Variants in PTPRG observed in about 807,000 individuals in gnomAD.
The protein encoded by PTPRG is receptor-type tyrosine-protein phosphatase gamma.
PTPRG carries 102 observed loss-of-function variants against 165.3 expected under a neutral mutation model. That is an observed-to-expected ratio of 0.62 (90% CI 0.53 to 0.73). The LOEUF (loss-of-function observed/expected upper bound fraction) is 0.73. Ranked by LOEUF, PTPRG falls within the 30% of genes least tolerant of loss-of-function variation. PTPRG has a pLI of 0.00. For synonymous variants in PTPRG, 675 were observed against 669.5 expected, an observed-to-expected ratio of 1.01 and a Z score of -0.13; for missense variants, 1,866 against 1,861.4, an observed-to-expected ratio of 1.00 and a Z score of -0.05.
chr3:61,708,542 C>T (rs114899286), intron 1 of PTPRG, among the ~76,000 whole-genome samples: 1,707 of 146,666 alleles, frequency 0.012, 40 homozygotes, highest in African/African-American at 0.04. Context: ...GCAAGCTGTG[C>T]CCCCTGGGTT....
chr3:62,205,453 G>A (rs74652224), intron 12 of PTPRG, among the ~76,000 whole-genome samples: 87 of 152,338 alleles, frequency 5.7e-4, no homozygotes, highest in African/African-American at 2.0e-3. Context: ...TTGCATTCTG[G>A]TAGGGGAGCT....
At chr3:61,576,168 G>T (rs1215002000) in intron 1 of PTPRG, among the ~76,000 whole-genome samples, 2 of 152,154 alleles carry the variant, frequency 1.3e-5, no homozygotes, top group African/African-American at 4.8e-5. Flanking sequence ...AGGCTCACAG[G>T]GCTACCAGGA....
chr3:61,880,555 T>C (rs2037857762), intron 2 of PTPRG, among the ~76,000 whole-genome samples: 2 of 144,952 alleles, frequency 1.4e-5, no homozygotes, highest in Non-Finnish European at 3.0e-5. Context: ...GCTTGGAAAG[T>C]CGAAGCTGCA....
At chr3:62,049,144 A>G (rs961064195) in intron 4 of PTPRG, among the ~76,000 whole-genome samples, 8 of 151,560 alleles carry the variant, frequency 5.3e-5, no homozygotes, top group African/African-American at 1.7e-4. Flanking sequence ...GAAGCCGGGG[A>G]GAAACGTATC....
intron 5 of PTPRG, among the ~76,000 whole-genome samples, chr3:62,126,925 A>G (rs1703314354): frequency 6.6e-6 from 1 of 152,234 alleles, no homozygotes. Context: ...CAGTGATAAG[A>G]GACACTAGAA....
chr3:61,571,230 A>G (rs1700046923), intron 1 of PTPRG, among the ~76,000 whole-genome samples: 1 of 152,222 alleles, frequency 6.6e-6, no homozygotes, highest in East Asian at 1.9e-4. Flanking sequence ...TGAAGAAGGT[A>G]GGTCCAAGGT....
intron 1 of PTPRG, among the ~76,000 whole-genome samples, chr3:61,605,660 C>T (rs187498909): frequency 2.6e-5 from 4 of 152,098 alleles, no homozygotes; most frequent in African/African-American, 9.7e-5. Context: ...CCTTGAACTC[C>T]TGGCCTCAAG....
intron 1 of PTPRG, among the ~76,000 whole-genome samples, chr3:61,674,164 A>C (rs1409477162): frequency 6.9e-6 from 1 of 145,768 alleles, no homozygotes; most frequent in Non-Finnish European, 1.5e-5. Context: ...CATGTATCCC[A>C]GAACAAGTAT....
At chr3:62,155,672 A>C (rs1341019569) in intron 6 of PTPRG, among the ~76,000 whole-genome samples, 2 of 152,172 alleles carry the variant, frequency 1.3e-5, no homozygotes, top group South Asian at 2.1e-4. Context: ...TCCAAAAGGA[A>C]ATTGCAATTT....
chr3:61,872,553 T>C (rs1240350048), intron 2 of PTPRG, among the ~76,000 whole-genome samples: 1 of 152,140 alleles, frequency 6.6e-6, no homozygotes, highest in Non-Finnish European at 1.5e-5. Context: ...TAAGATGAGA[T>C]AGGTAGTGCT....
chr3:61,725,859 C>T lies in PTPRG; in HGVS notation c.86-23019C>T, dbSNP rs559417009. 2.6e-5 allele frequency among the ~76,000 whole-genome samples: 4 copies of T among 152,182 alleles called. No individual in the cohort carries two copies. The South Asian group carries it at 8.3e-4, about 32-fold the overall frequency. ...TAATGTCTTATCATCTGTTTTATTC[C>T]TTTCTGGATTCCAATTTTAAGTCAG... is the stretch of plus-strand genomic sequence containing the variant. On this transcript the variant is annotated intron_variant, in intron 1 of 29. Transcript: ENST00000474889.
At chr3:62,068,234 C>T (rs995098076) in intron 4 of PTPRG, among the ~76,000 whole-genome samples, 2 of 152,128 alleles carry the variant, frequency 1.3e-5, no homozygotes, top group Non-Finnish European at 2.9e-5. Flanking sequence ...AAACAACCCT[C>T]CTGAGTGCTT....
intron 16 of PTPRG, among the ~76,000 whole-genome samples, chr3:62,257,276 T>A (rs555061289): frequency 5.3e-5 from 8 of 152,272 alleles, no homozygotes; most frequent in African/African-American, 1.7e-4. Context: ...AAACTGGTAA[T>A]AGGCTACATA....
At chr3:62,202,290 C>A (rs143090118) in intron 11 of PTPRG, among the ~76,000 whole-genome samples, 1 of 152,206 alleles carries the variant, frequency 6.6e-6, no homozygotes, top group East Asian at 1.9e-4. Context: ...AAGAACAAGC[C>A]GAGTCTTAGA....
chr3:61,926,551 T>C (rs1183329010), intron 2 of PTPRG, among the ~76,000 whole-genome samples: 1 of 148,436 alleles, frequency 6.7e-6, no homozygotes, highest in East Asian at 2.1e-4. Context: ...TCTTCATAAA[T>C]TACTCAGTCT....
intron 2 of PTPRG, among the ~76,000 whole-genome samples, chr3:61,912,948 G>A (rs545237146): frequency 2.5e-4 from 38 of 152,046 alleles, no homozygotes; most frequent in African/African-American, 8.9e-4. Flanking sequence ...AAAATAACAT[G>A]AACAGGTGTA....
At position 61,635,137 on chromosome 3, in the gene PTPRG, G is replaced by A. The variant is rs72874775; in HGVS notation, c.85+72765G>A. ...ACTTAACTTCTACTTGATGGAGCCT[G>A]TCAAACAGCCATATTACAGGCATGA... On this transcript the variant is annotated intron_variant, in intron 1 of 29. Transcript: ENST00000474889. 8.8e-3 allele frequency among the ~76,000 whole-genome samples: 1,333 copies of A among 152,110 alleles called. 19 individuals are homozygous for A. Among genetic ancestry groups the A allele is most frequent in the African/African-American group, 0.031 (1,271 of 41,492 alleles).
chr3:62,155,557 A>G (rs1304694806), intron 6 of PTPRG, among the ~76,000 whole-genome samples: 1 of 152,252 alleles, frequency 6.6e-6, no homozygotes, highest in Non-Finnish European at 1.5e-5. Flanking sequence ...GGCCTCTTGC[A>G]TATAATAAGT....
intron 14 of PTPRG, among the ~76,000 whole-genome samples, chr3:62,241,639 A>G (rs966257170): frequency 2.6e-5 from 4 of 151,598 alleles, no homozygotes; most frequent in Non-Finnish European, 4.4e-5. Flanking sequence ...TCTTGTAGGG[A>G]AAAAAAAATC....
Sources: allele counts gnomAD v4.1 joint callset (sites outside exome capture counted in the v4.1 genomes callset), GRCh38; gene constraint gnomAD v4.1.1; transcripts MANE v1.5; gene names NCBI Gene and HGNC (gene_info 2026-07-23, HGNC 2026-07-21).